Variants in LIN28B observed in about 807,000 individuals in gnomAD.
The protein encoded by LIN28B is lin-28 RNA binding posttranscriptional regulator B.
In LIN28B, 5 loss-of-function variants were observed where a neutral mutation model predicts 21.9. The ratio of observed to expected loss-of-function variants is 0.23; its 90% CI spans 0.12 to 0.48. LIN28B has a LOEUF of 0.48. Among genes scored for constraint, LIN28B ranks in the 20% least tolerant of loss-of-function variants. The probability of loss-of-function intolerance (pLI) is 0.98; values close to 1 mark genes in which losing one functional copy is unlikely to be tolerated. For missense variants in LIN28B, 245 were observed against 310.5 expected, an observed-to-expected ratio of 0.79 and a Z score of 1.58; for synonymous variants, 109 against 111.3, an observed-to-expected ratio of 0.98 and a Z score of 0.13.
intron 2 of LIN28B, among the ~76,000 whole-genome samples, chr6:104,977,619 G>A (rs1770127209): frequency 1.3e-5 from 2 of 152,066 alleles, no homozygotes; most frequent in Admixed American, 6.5e-5. Flanking sequence ...CCAGGCTGGA[G>A]TGCAATAGTG....
At chr6:104,993,782 C>T (rs1194584428) in intron 2 of LIN28B, among the ~76,000 whole-genome samples, 1 of 150,196 alleles carries the variant, frequency 6.7e-6, no homozygotes, top group Non-Finnish European at 1.5e-5. Flanking sequence ...TTGCGGTGAG[C>T]CGAGATTGAG....
upstream of LIN28B, among the ~76,000 whole-genome samples, chr6:104,954,872 C>G (rs188182467): frequency 6.6e-6 from 1 of 152,154 alleles, no homozygotes; most frequent in African/African-American, 2.4e-5. Context: ...TAAACAGATT[C>G]TGAATCTACC....
intron 2 of LIN28B, among the ~76,000 whole-genome samples, chr6:105,014,918 C>T (rs1770998418): frequency 6.6e-6 from 1 of 151,064 alleles, no homozygotes; most frequent in Non-Finnish European, 1.5e-5. Flanking sequence ...ATTATCAGGT[C>T]AATTAAAAGT....
chr6:105,058,413 A>G (rs935536365), intron 3 of LIN28B, among the ~76,000 whole-genome samples: 3 of 152,212 alleles, frequency 2.0e-5, no homozygotes, highest in African/African-American at 7.2e-5. Context: ...ATCTCCTGTT[A>G]GACTCCTAAT....
At chr6:105,022,920 G>A (rs1417695332) in intron 2 of LIN28B, among the ~76,000 whole-genome samples, 1 of 151,846 alleles carries the variant, frequency 6.6e-6, no homozygotes, top group African/African-American at 2.4e-5. Context: ...AGTGGATGGG[G>A]CAGATGAGAG....
chr6:105,025,475 A>G (rs1197405348), intron 2 of LIN28B, among the ~76,000 whole-genome samples: 3 of 152,172 alleles, frequency 2.0e-5, no homozygotes, highest in African/African-American at 7.2e-5. Flanking sequence ...CAAATATGAA[A>G]TCTGATTTCC....
At chr6:105,049,815 G>A (rs113590357) in intron 3 of LIN28B, among the ~76,000 whole-genome samples, 279 of 152,216 alleles carry the variant, frequency 1.8e-3, no homozygotes, top group African/African-American at 5.9e-3. Flanking sequence ...TCAGAGACAG[G>A]ATTGCAACCC....
chr6:105,013,903 G>C (rs1297159612), intron 2 of LIN28B, among the ~76,000 whole-genome samples: 3 of 152,092 alleles, frequency 2.0e-5, no homozygotes, highest in Non-Finnish European at 4.4e-5. Flanking sequence ...GATTGGTGGT[G>C]ACGGGCCCTC....
At chr6:104,975,847 T>C (rs1193381686) in intron 2 of LIN28B, among the ~76,000 whole-genome samples, 1 of 150,856 alleles carries the variant, frequency 6.6e-6, no homozygotes, top group Non-Finnish European at 1.5e-5. Flanking sequence ...TCTTCTTTTT[T>C]TTTTTTTTTT....
chr6:105,030,642 T>C (rs1771403577), intron 3 of LIN28B, among the ~76,000 whole-genome samples: 1 of 147,504 alleles, frequency 6.8e-6, no homozygotes, highest in Admixed American at 6.9e-5. Context: ...TGTCGCCCAG[T>C]CTGGAGTGCA....
At chr6:105,002,150 G>A (rs973259493) in intron 2 of LIN28B, among the ~76,000 whole-genome samples, 5 of 149,814 alleles carry the variant, frequency 3.3e-5, no homozygotes, top group Non-Finnish European at 5.9e-5. Context: ...CTGAGCACTT[G>A]AAGAGATTCT....
At chr6:104,977,259 C>T (rs1212157988) in intron 2 of LIN28B, among the ~76,000 whole-genome samples, 1 of 152,126 alleles carries the variant, frequency 6.6e-6, no homozygotes, top group Non-Finnish European at 1.5e-5. Flanking sequence ...ACTTCTTTGC[C>T]ACTTTTCCTT....
At chr6:105,041,006 G>A (rs1453319836) in intron 3 of LIN28B, among the ~76,000 whole-genome samples, 1 of 151,854 alleles carries the variant, frequency 6.6e-6, no homozygotes, top group Non-Finnish European at 1.5e-5. Flanking sequence ...CGACCTCCTG[G>A]GCTCAGGTGA....
intron 3 of LIN28B, among the ~76,000 whole-genome samples, chr6:105,030,794 C>G (rs751609442): frequency 5.9e-5 from 9 of 151,752 alleles, no homozygotes; most frequent in Non-Finnish European, 1.3e-4. Context: ...TGGGTTTTCA[C>G]CATGTTGGCC....
intron 3 of LIN28B, among the ~76,000 whole-genome samples, chr6:105,048,524 G>A (rs1042098534): frequency 7.9e-5 from 12 of 152,088 alleles, no homozygotes; most frequent in Admixed American, 2.0e-4. Context: ...GGATGATGCC[G>A]GCCTCATAAA....
rs1026388424 is a variant in LIN28B at position 105,079,260 on chromosome 6, C to A, written c.*477C>A. ...TTTATATTATATAAAACTAAAAACA[C>A]GACTGTTACCTTTTGTGTGAACCAA... On this transcript the variant is annotated 3_prime_UTR_variant, in exon 4 of 4. Transcript: ENST00000345080. 6.5e-6 allele frequency: 1 copy of A among 152,866 alleles called. No homozygotes were observed. The highest frequency in any genetic ancestry group is 2.4e-5 in the African/African-American group (1 of 41,422). 9.5% of individuals were successfully genotyped at this position (152,866 alleles called of 1,614,324 possible). A position where few individuals can be genotyped will look rare whatever the true frequency, so the allele number is the denominator to read the frequency against.
chr6:104,951,295 T>A (rs1778217905), intron 3 of LIN28B, among the ~76,000 whole-genome samples: 1 of 152,138 alleles, frequency 6.6e-6, no homozygotes, highest in Non-Finnish European at 1.5e-5. Flanking sequence ...GTTATTCTGT[T>A]ATTAAACTTT....
intron 3 of LIN28B, among the ~76,000 whole-genome samples, chr6:105,057,406 C>G (rs1458978192): frequency 6.6e-6 from 1 of 152,214 alleles, no homozygotes; most frequent in Non-Finnish European, 1.5e-5. Flanking sequence ...TTATTTGGCT[C>G]CTACACTTAT....
intron 2 of LIN28B, chr6:104,940,486 G>T (rs1434894733): frequency 2.6e-5 from 4 of 153,366 alleles, no homozygotes; most frequent in Admixed American, 2.0e-4. Flanking sequence ...GACGCGCTTC[G>T]GGGGTTCGGG....
Sources: allele counts gnomAD v4.1 joint callset (sites outside exome capture counted in the v4.1 genomes callset), GRCh38; gene constraint gnomAD v4.1.1; transcripts MANE v1.5; gene names NCBI Gene and HGNC (gene_info 2026-07-23, HGNC 2026-07-21).